The following CDH8 variants were observed in gnomAD, a reference collection of about 807,000 sequenced individuals.
CDH8 encodes the protein cadherin 8, also known as cadherin-8.
A neutral mutation model predicts 68.1 loss-of-function variants in CDH8; 17 were observed. The observed-to-expected ratio is 0.25, with a 90% CI of 0.17 to 0.37. CDH8 has a LOEUF of 0.37. Ranked by LOEUF, CDH8 falls within the 10% of genes least tolerant of loss-of-function variation. The pLI is 1.00. For missense variants in CDH8, 763 were observed against 999.3 expected, an observed-to-expected ratio of 0.76 and a Z score of 3.19; for synonymous variants, 372 against 365.1, an observed-to-expected ratio of 1.02 and a Z score of -0.21.
At chr16:61,800,274 C>G (rs958197089) in intron 7 of CDH8, among the ~76,000 whole-genome samples, 11 of 152,202 alleles carry the variant, frequency 7.2e-5, no homozygotes, top group African/African-American at 2.7e-4. Context: ...CAAAAATGCT[C>G]ATTCCTAAAC....
chr16:61,867,081 AAGCCACTG>A (rs1264757178), intron 3 of CDH8, among the ~76,000 whole-genome samples: 1 of 152,176 alleles, frequency 6.6e-6, no homozygotes, highest in Non-Finnish European at 1.5e-5. Flanking sequence ...ACAAAGTGAA[AAGCCACTG>A]AGCCACTGAG....
chr16:61,775,149 A>T (rs372708278), intron 8 of CDH8, among the ~76,000 whole-genome samples: 2 of 152,284 alleles, frequency 1.3e-5, no homozygotes, highest in South Asian at 4.1e-4. Context: ...GAATTGCTTG[A>T]GGCCAGGAGT....
At chr16:61,662,998 A>T (rs375468962) in intron 10 of CDH8, among the ~76,000 whole-genome samples, 16 of 152,054 alleles carry the variant, frequency 1.1e-4, no homozygotes, top group African/African-American at 3.6e-4. Flanking sequence ...TTTATTCTTC[A>T]TACCCAGTTG....
At chr16:61,897,456 T>C (rs13337899) in intron 3 of CDH8, among the ~76,000 whole-genome samples, 1 of 152,190 alleles carries the variant, frequency 6.6e-6, no homozygotes, top group Non-Finnish European at 1.5e-5. Flanking sequence ...TTTCACCATG[T>C]TGGCTGCTAG....
rs530418603 is a variant in CDH8 at position 61,730,852 on chromosome 16, G to A, written c.1415-3637C>T. 1.5e-4 allele frequency among the ~76,000 whole-genome samples: 22 copies of A among 151,524 alleles called. No homozygotes were observed. The South Asian group carries it at 3.1e-3, about 21-fold the overall frequency. On this transcript the variant is annotated intron_variant, in intron 8 of 11. Coordinates refer to ENST00000577390, the MANE Select transcript of CDH8 (RefSeq NM_001796.5). ...TTTCAGAAAGCCATCTTAACACACC[G>A]TTCAATTTTGTTTGTTTGTTTTCCT...
chr16:61,821,703 C>G (rs1962218695), intron 5 of CDH8, among the ~76,000 whole-genome samples: 1 of 152,032 alleles, frequency 6.6e-6, no homozygotes, highest in Non-Finnish European at 1.5e-5. Context: ...GACAAAAATC[C>G]TGCCTTCAAC....
chr16:61,699,036 T>C lies in CDH8; in HGVS notation c.1654+14805A>G, dbSNP rs901862241. Among the ~76,000 whole-genome samples, 4 of 152,220 alleles carry C rather than the reference T, an allele frequency of 2.6e-5. No homozygotes were observed. The South Asian group carries it at 8.3e-4, about 32-fold the overall frequency. On this transcript the variant is annotated intron_variant, in intron 10 of 11. Transcript: ENST00000577390. Reference sequence around the variant, plus strand: ...ATACTTCAAGTTGGTTTTAGATAGCTAGTTTAACCCCTTAAACTCCATTCC... The same window carrying C: ...ATACTTCAAGTTGGTTTTAGATAGCCAGTTTAACCCCTTAAACTCCATTCC...
intron 10 of CDH8, chr16:61,692,353 C>G (rs1224682408): frequency 6.6e-6 from 1 of 152,116 alleles, no homozygotes; most frequent in Non-Finnish European, 1.5e-5. Context: ...CGCATTTCTT[C>G]CTGCAGATCT....
At chr16:61,984,209 T>C (rs1349786229) in intron 2 of CDH8, among the ~76,000 whole-genome samples, 1 of 152,116 alleles carries the variant, frequency 6.6e-6, no homozygotes, top group East Asian at 1.9e-4. Context: ...TTAGCCACCA[T>C]GCCCAACTCT....
intron 3 of CDH8, among the ~76,000 whole-genome samples, chr16:61,889,086 T>G (rs1250345518): frequency 6.6e-6 from 1 of 152,182 alleles, no homozygotes; most frequent in Non-Finnish European, 1.5e-5. Flanking sequence ...AGGATGGGGA[T>G]GTATATGAGA....
chr16:61,973,558 G>T (rs1387312639), intron 2 of CDH8, among the ~76,000 whole-genome samples: 1 of 152,142 alleles, frequency 6.6e-6, no homozygotes, highest in Non-Finnish European at 1.5e-5. Flanking sequence ...GGTGCATGTG[G>T]TTATCTGGAC....
At chr16:61,893,400 ATGTGTGTGTGTGTGAGTG>A (rs1242354328) in intron 3 of CDH8, among the ~76,000 whole-genome samples, 4 of 147,642 alleles carry the variant, frequency 2.7e-5, no homozygotes, top group Non-Finnish European at 6.0e-5. Context: ...GTACAGGTAG[ATGTGTGTGTGTGTGAGTG>A]TGTGTGTGTG....
At chr16:61,738,312 T>A (rs1281433967) in intron 8 of CDH8, among the ~76,000 whole-genome samples, 2 of 152,142 alleles carry the variant, frequency 1.3e-5, no homozygotes, top group East Asian at 3.9e-4. Context: ...GGTCTCTTGT[T>A]TATTACATTC....
chr16:61,921,145 C>A (rs972450789), intron 2 of CDH8, among the ~76,000 whole-genome samples: 3 of 148,762 alleles, frequency 2.0e-5, no homozygotes, highest in African/African-American at 7.4e-5. Context: ...GGGAGATATA[C>A]CTAATGCTAG....
intron 8 of CDH8, among the ~76,000 whole-genome samples, chr16:61,757,140 A>C (rs1454717494): frequency 6.6e-6 from 1 of 152,210 alleles, no homozygotes; most frequent in Non-Finnish European, 1.5e-5. Context: ...TGGTTTGCAG[A>C]GAAAAAGTAA....
At chr16:61,755,096 C>T (rs1177588787) in intron 8 of CDH8, among the ~76,000 whole-genome samples, 2 of 152,112 alleles carry the variant, frequency 1.3e-5, no homozygotes. Context: ...ATAGGAGATA[C>T]AAGGCAAACA....
chr16:61,676,947 C>T (rs746415926), intron 10 of CDH8, among the ~76,000 whole-genome samples: 10 of 152,014 alleles, frequency 6.6e-5, no homozygotes, highest in South Asian at 2.1e-4. Flanking sequence ...TTAATAGTGA[C>T]GTAAGTGTAC....
chr16:61,715,328 G>A (rs1370068852), intron 9 of CDH8, among the ~76,000 whole-genome samples: 4 of 151,580 alleles, frequency 2.6e-5, no homozygotes, highest in African/African-American at 9.7e-5. Context: ...CTGGAGTTAA[G>A]CTTCCCAGAT....
At chr16:61,710,548 GT>G (rs778504417) in intron 10 of CDH8, among the ~76,000 whole-genome samples, 3 of 152,036 alleles carry the variant, frequency 2.0e-5, no homozygotes, top group Non-Finnish European at 4.4e-5. Context: ...AGGTACTATG[GT>G]TCTCCTGCTG....
Sources: allele counts gnomAD v4.1 joint callset (sites outside exome capture counted in the v4.1 genomes callset), GRCh38; gene constraint gnomAD v4.1.1; transcripts MANE v1.5; gene names NCBI Gene and HGNC (gene_info 2026-07-23, HGNC 2026-07-21).